The following CSMD1 variants were observed in gnomAD, a reference collection of about 807,000 sequenced individuals.
CSMD1 encodes CUB and Sushi multiple domains 1.
In CSMD1, 213 loss-of-function variants were observed where a neutral mutation model predicts 417.5. That is an observed-to-expected ratio of 0.51 (90% CI 0.46 to 0.57). The LOEUF (loss-of-function observed/expected upper bound fraction) is 0.57, where lower values mean the gene tolerates loss of function less well. Ranked by LOEUF, CSMD1 falls within the 20% of genes least tolerant of loss-of-function variation. CSMD1 has a pLI of 0.00. For missense variants in CSMD1, 6,923 were observed against 4,529.7 expected, an observed-to-expected ratio of 1.53 and a Z score of -15.17; for synonymous variants, 2,862 against 1,736.8, an observed-to-expected ratio of 1.65 and a Z score of -16.11.
At chr8:3,820,477 C>T (rs997803482) in intron 5 of CSMD1, among the ~76,000 whole-genome samples, 1 of 152,204 alleles carries the variant, frequency 6.6e-6, no homozygotes, top group African/African-American at 2.4e-5. Flanking sequence ...CCTTGTCCCA[C>T]TGGAAGTTTG....
At chr8:4,895,448 ATT>A (rs1285029055) in intron 1 of CSMD1, among the ~76,000 whole-genome samples, 2 of 152,078 alleles carry the variant, frequency 1.3e-5, no homozygotes, top group Non-Finnish European at 2.9e-5. Flanking sequence ...TGATATCAAC[ATT>A]GTTATTCTGC....
chr8:3,084,766 A>G (rs1213315484), intron 49 of CSMD1, among the ~76,000 whole-genome samples: 9 of 151,888 alleles, frequency 5.9e-5, no homozygotes, highest in African/African-American at 2.2e-4. Flanking sequence ...ATTCCTTCCC[A>G]ATGGCCTTTA....
At chr8:4,119,282 A>G (rs972626371) in intron 3 of CSMD1, among the ~76,000 whole-genome samples, 1 of 152,188 alleles carries the variant, frequency 6.6e-6, no homozygotes, top group Non-Finnish European at 1.5e-5. Context: ...AAACAAATGG[A>G]AACAACCCAA....
At chr8:4,512,998 G>C (rs867225350) in intron 2 of CSMD1, among the ~76,000 whole-genome samples, 2 of 152,106 alleles carry the variant, frequency 1.3e-5, no homozygotes, top group African/African-American at 2.4e-5. Flanking sequence ...CAGGAGTTGA[G>C]GGAGAGAAGG....
At chr8:3,706,665 G>A (rs543108727) in intron 7 of CSMD1, among the ~76,000 whole-genome samples, 13 of 152,228 alleles carry the variant, frequency 8.5e-5, no homozygotes, top group East Asian at 3.9e-4. Context: ...CCAAATGATC[G>A]GATATCCAAC....
chr8:4,568,721 A>C (rs913219958), intron 2 of CSMD1, among the ~76,000 whole-genome samples: 1 of 152,102 alleles, frequency 6.6e-6, no homozygotes, highest in Non-Finnish European at 1.5e-5. Flanking sequence ...GGTTGAACTA[A>C]TTTACACTCC....
intron 2 of CSMD1, among the ~76,000 whole-genome samples, chr8:4,445,788 T>G (rs1015787043): frequency 1.3e-5 from 2 of 152,192 alleles, no homozygotes; most frequent in Admixed American, 1.3e-4. Context: ...CACAGAAATG[T>G]GTCAGAAATA....
At chr8:3,129,328 T>G (rs1285528770) in intron 41 of CSMD1, among the ~76,000 whole-genome samples, 1 of 152,260 alleles carries the variant, frequency 6.6e-6, no homozygotes, top group Non-Finnish European at 1.5e-5. Flanking sequence ...TGACCTGTGC[T>G]CTAGATGATT....
intron 2 of CSMD1, among the ~76,000 whole-genome samples, chr8:4,578,127 G>T (rs570024949): frequency 6.6e-6 from 1 of 151,994 alleles, no homozygotes; most frequent in Non-Finnish European, 1.5e-5. Context: ...TATACTCAAA[G>T]TCCCCCACAT....
At chr8:4,969,536 C>G (rs938610767) in intron 1 of CSMD1, among the ~76,000 whole-genome samples, 6 of 151,410 alleles carry the variant, frequency 4.0e-5, no homozygotes, top group African/African-American at 1.5e-4. Context: ...AGGCCAGTGT[C>G]TAGGAAATAA....
At chr8:3,701,409 T>G (rs1236451031) in intron 7 of CSMD1, among the ~76,000 whole-genome samples, 1 of 152,098 alleles carries the variant, frequency 6.6e-6, no homozygotes, top group Non-Finnish European at 1.5e-5. Flanking sequence ...GTTGCGAAAG[T>G]CTGTCCCCGG....
intron 26 of CSMD1, among the ~76,000 whole-genome samples, chr8:3,240,611 G>A (rs561295755): frequency 3.3e-5 from 5 of 152,190 alleles, no homozygotes; most frequent in East Asian, 1.9e-4. Flanking sequence ...GTAATCTGCT[G>A]AGCCTGATGG....
rs138902813 is a variant in CSMD1 at position 3,501,343 on chromosome 8, T to G, written c.1345-7617A>C. On this transcript the variant is annotated intron_variant, in intron 10 of 69. Coordinates refer to ENST00000635120, the MANE Select transcript of CSMD1 (RefSeq NM_033225.6). Reference sequence around the variant, plus strand: ...GGGTTTCTTCCTTGATAGCACTATTTTTAAGTTTTTCCTTTTGATGTTCTT... The same window carrying G: ...GGGTTTCTTCCTTGATAGCACTATTGTTAAGTTTTTCCTTTTGATGTTCTT... Among the ~76,000 whole-genome samples, 552 of 152,314 alleles carry G rather than the reference T, an allele frequency of 3.6e-3. 5 individuals carry two copies. Among genetic ancestry groups the G allele is most frequent in the African/African-American group, 0.013 (526 of 41,576 alleles).
intron 1 of CSMD1, among the ~76,000 whole-genome samples, chr8:4,926,392 T>C (rs1320213379): frequency 6.6e-6 from 1 of 152,074 alleles, no homozygotes; most frequent in Non-Finnish European, 1.5e-5. Flanking sequence ...TTTCTGTATT[T>C]GTGAGATCTA....
At chr8:3,399,258 G>A in intron 16 of CSMD1, 133 bp downstream of exon 16, 2 of 735,008 alleles carry the variant, frequency 2.7e-6, no homozygotes, top group Middle Eastern at 4.1e-4. Context: ...GTAAGTGCCT[G>A]TTTCTGGTAA....
chr8:4,663,394 A>G (rs1415015379), intron 1 of CSMD1, among the ~76,000 whole-genome samples: 1 of 152,196 alleles, frequency 6.6e-6, no homozygotes, highest in African/African-American at 2.4e-5. Context: ...GGAAGATGCT[A>G]AGTGATTGGT....
At chr8:3,058,881 A>T (rs956106074) in intron 49 of CSMD1, among the ~76,000 whole-genome samples, 2 of 151,330 alleles carry the variant, frequency 1.3e-5, no homozygotes, top group African/African-American at 4.9e-5. Flanking sequence ...CCCTGCAGGG[A>T]CCTCCCACCT....
At chr8:4,481,915 G>C (rs1355369350) in intron 2 of CSMD1, among the ~76,000 whole-genome samples, 2 of 152,118 alleles carry the variant, frequency 1.3e-5, no homozygotes, top group Admixed American at 1.3e-4. Context: ...GTGACTTGAG[G>C]TGTGGAAACA....
At chr8:4,663,816 G>C (rs1228715632) in intron 1 of CSMD1, among the ~76,000 whole-genome samples, 1 of 152,290 alleles carries the variant, frequency 6.6e-6, no homozygotes, top group African/African-American at 2.4e-5. Flanking sequence ...CTGGTTCCAG[G>C]CAGAACAAAT....
Sources: gnomAD v4.1 joint callset for allele counts (sites outside exome capture counted in the v4.1 genomes callset) on GRCh38, gnomAD v4.1.1 for gene constraint, MANE v1.5 for transcripts, NCBI Gene and HGNC (gene_info 2026-07-23, HGNC 2026-07-21) for gene names.